The following ARK2C variants were observed in gnomAD, a reference collection of about 807,000 sequenced individuals.
ARK2C encodes arkadia (RNF111) C-terminal like ring finger ubiquitin ligase 2C.
chr18:46,365,375 T>C, the ARK2C span, among the ~76,000 whole-genome samples: 164 of 152,198 alleles, frequency 1.1e-3, 1 homozygote, highest in African/African-American at 3.7e-3. Flanking sequence ...TAGAAGTCTC[T>C]GGAAGAGCCT....
the ARK2C span, among the ~76,000 whole-genome samples, chr18:46,430,733 T>G: frequency 2.6e-5 from 4 of 152,198 alleles, no homozygotes; most frequent in African/African-American, 9.6e-5. Context: ...CCTCGTACAT[T>G]TCTAATTTCC....
At chr18:46,390,615 G>C in the ARK2C span, among the ~76,000 whole-genome samples, 6 of 152,170 alleles carry the variant, frequency 3.9e-5, no homozygotes, top group African/African-American at 1.2e-4. Flanking sequence ...GAAATAAGCC[G>C]TTTTCTCTTT....
the ARK2C span, among the ~76,000 whole-genome samples, chr18:46,452,677 A>G: frequency 6.6e-6 from 1 of 152,162 alleles, no homozygotes; most frequent in African/African-American, 2.4e-5. Context: ...TAAAACATTC[A>G]TCCTTCCCAG....
chr18:46,413,221 C>G, the ARK2C span, among the ~76,000 whole-genome samples: 1 of 152,114 alleles, frequency 6.6e-6, no homozygotes, highest in African/African-American at 2.4e-5. Flanking sequence ...TGCCCCGACC[C>G]GTTCCAAGGG....
At chr18:46,352,502 T>C in the ARK2C span, among the ~76,000 whole-genome samples, 1 of 152,156 alleles carries the variant, frequency 6.6e-6, no homozygotes, top group Non-Finnish European at 1.5e-5. Flanking sequence ...AAAGGTGGCT[T>C]AAAGGGATAG....
chr18:46,372,102 C>T, the ARK2C span, among the ~76,000 whole-genome samples: 1 of 152,110 alleles, frequency 6.6e-6, no homozygotes, highest in African/African-American at 2.4e-5. Flanking sequence ...CAGATGTGAA[C>T]CCTGATGACA....
At chr18:46,375,711 T>G in the ARK2C span, among the ~76,000 whole-genome samples, 1 of 152,138 alleles carries the variant, frequency 6.6e-6, no homozygotes, top group Non-Finnish European at 1.5e-5. Flanking sequence ...CAATTTTATG[T>G]TAAGGTGAGA....
chr18:46,435,352 A>C, the ARK2C span: 46 of 1,614,030 alleles, frequency 2.9e-5, no homozygotes, highest in Non-Finnish European at 3.4e-5. Flanking sequence ...ACTTCGGCCA[A>C]CTGCAGACAC....
At chr18:46,334,262 G>A in the ARK2C span, 12 of 1,486,898 alleles carry the variant, frequency 8.1e-6, no homozygotes, top group East Asian at 3.0e-4. The surrounding 1 kb of genome is among the most constrained non-coding windows in gnomAD (Gnocchi z 4.4). Context: ...CCGCCGCCGC[G>A]CGAGGAGCCA....
the ARK2C span, among the ~76,000 whole-genome samples, chr18:46,395,978 A>G: frequency 6.6e-6 from 1 of 152,190 alleles, no homozygotes; most frequent in Admixed American, 6.5e-5. Context: ...GCTCTGTCAC[A>G]TGGCCTTGGC....
chr18:46,448,089 T>C, the ARK2C span, among the ~76,000 whole-genome samples: 1 of 149,688 alleles, frequency 6.7e-6, no homozygotes, highest in Non-Finnish European at 1.5e-5. Flanking sequence ...CTGGCCCCCT[T>C]ATATCCTGGC....
At chr18:46,336,437 C>T in the ARK2C span, 111 of 985,428 alleles carry the variant, frequency 1.1e-4, no homozygotes, top group Non-Finnish European at 1.2e-4. Flanking sequence ...TTTACTTTCA[C>T]GGCAAACATG....
chr18:46,397,846 G>A, the ARK2C span, among the ~76,000 whole-genome samples: 1 of 133,646 alleles, frequency 7.5e-6, no homozygotes, highest in African/African-American at 2.9e-5. Flanking sequence ...GGGGTAGGAG[G>A]GTGTGTGTGC....
chr18:46,394,935 C>T, the ARK2C span, among the ~76,000 whole-genome samples: 1 of 152,214 alleles, frequency 6.6e-6, no homozygotes, highest in Admixed American at 6.5e-5. Flanking sequence ...TGAACTTTCA[C>T]GTATGTGGGG....
At chr18:46,337,883 G>C in the ARK2C span, among the ~76,000 whole-genome samples, 1,081 of 151,880 alleles carry the variant, frequency 7.1e-3, 15 homozygotes, top group African/African-American at 0.025. Flanking sequence ...TGTCTGGAGC[G>C]ATAGGAGGGG....
chr18:46,368,382 C>T, the ARK2C span, among the ~76,000 whole-genome samples: 1 of 152,184 alleles, frequency 6.6e-6, no homozygotes, highest in African/African-American at 2.4e-5. Context: ...TCACCCTAAA[C>T]CCCCAGAACC....
chr18:46,404,661 G>GAGAAT, the ARK2C span, among the ~76,000 whole-genome samples: 1 of 152,190 alleles, frequency 6.6e-6, no homozygotes, highest in African/African-American at 2.4e-5. Context: ...GCTGAGGCAG[G>GAGAAT]AGAATTGCTT....
At chr18:46,338,699 C>G in the ARK2C span, among the ~76,000 whole-genome samples, 1 of 151,986 alleles carries the variant, frequency 6.6e-6, no homozygotes, top group African/African-American at 2.4e-5. Flanking sequence ...AGCCATTTGT[C>G]AATTACACCT....
At chr18:46,406,461 C>T in the ARK2C span, among the ~76,000 whole-genome samples, 1 of 152,206 alleles carries the variant, frequency 6.6e-6, no homozygotes, top group Admixed American at 6.5e-5. Context: ...TTCCAGAAAA[C>T]CCAAGAGCAG....
Sources: allele counts gnomAD v4.1 joint callset (sites outside exome capture counted in the v4.1 genomes callset), GRCh38; gene constraint gnomAD v4.1.1; non-coding constraint Gnocchi (gnomAD v3.1); transcripts MANE v1.5; gene names NCBI Gene and HGNC (gene_info 2026-07-23, HGNC 2026-07-21).